Variants in RNF43 observed in about 807,000 individuals in gnomAD.
RNF43 encodes the protein ring finger protein 43, also known as E3 ubiquitin-protein ligase RNF43.
RNF43 carries 37 observed loss-of-function variants against 78.4 expected under a neutral mutation model. The observed-to-expected ratio is 0.47, with a 90% CI of 0.36 to 0.62. The LOEUF is 0.62. Among genes scored for constraint, RNF43 ranks in the 20% least tolerant of loss-of-function variants. RNF43 has a pLI of 0.00. For synonymous variants in RNF43, 347 were observed against 395.0 expected, an observed-to-expected ratio of 0.88 and a Z score of 1.44; for missense variants, 774 against 1,007.9, an observed-to-expected ratio of 0.77 and a Z score of 3.14.
intron 2 of RNF43, among the ~76,000 whole-genome samples, chr17:58,374,702 C>A (rs920866907): frequency 6.6e-6 from 1 of 152,262 alleles, no homozygotes; most frequent in East Asian, 1.9e-4. Context: ...CCTCTTTTCA[C>A]TCTTGATGAC....
At chr17:58,402,052 A>G (rs533217730) in intron 2 of RNF43, among the ~76,000 whole-genome samples, 2 of 152,352 alleles carry the variant, frequency 1.3e-5, no homozygotes, top group Admixed American at 6.5e-5. Flanking sequence ...GTTCAGAACC[A>G]AGTAAAAACA....
rs2143395170 is a variant in RNF43, at chr17:58,357,825, G to A, written c.1951C>T (p.His651Tyr). 1.2e-6 allele frequency: 2 copies of A among 1,614,218 alleles called. No homozygotes were observed. The highest frequency in any genetic ancestry group is 1.7e-6 in the Non-Finnish European group (2 of 1,180,040). ...NLQKSSLSARHPQRKRRGGPS... is the reference protein window; with the variant it reads ...NLQKSSLSARYPQRKRRGGPS... ...CCCCCCCGCCTTTTCCTCTGTGGGT[G>A]TCGGGCAGAGAGGCTGGATTTTTGC... The change falls in exon 9 of 10, where the codon CAC (histidine) becomes TAC (tyrosine). Residue 651 changes from histidine (H) to tyrosine (Y), a missense_variant. Transcript: ENST00000407977. The surrounding 1 kb of genome is among the most constrained non-coding windows in gnomAD (Gnocchi z 4.5).
In RNF43 at chr17:58,360,912, G is replaced by C. The variant is rs2143447799; in HGVS notation, c.720C>G (p.Ile240Met). The change falls in exon 7 of 10, where the codon ATC becomes ATG. Residue 240 changes from isoleucine to methionine, a missense_variant. By Grantham distance (10) the Ile-to-Met change is conservative. Coordinates refer to ENST00000407977, the MANE Select transcript of RNF43 (RefSeq NM_017763.6). The surrounding 1 kb of genome is among the most constrained non-coding windows in gnomAD (Gnocchi z 4.3). ...DPLQQRTAWAISQLATRRYQA... is the reference protein window; with the variant it reads ...DPLQQRTAWAMSQLATRRYQA... ...GGTACCTCCTGGTGGCCAGCTGGCT[G>C]ATGGCCCAGGCTGTTCTCTGCTGAA... 6.2e-7 allele frequency: 1 copy of C among 1,605,116 alleles called. No individual in the cohort carries two copies. The highest frequency in any genetic ancestry group is 8.5e-7 in the Non-Finnish European group (1 of 1,174,692).
At chr17:58,374,232 T>A (rs949713129) in intron 2 of RNF43, among the ~76,000 whole-genome samples, 1 of 151,840 alleles carries the variant, frequency 6.6e-6, no homozygotes, top group East Asian at 1.9e-4. Context: ...GTTAAAAAAA[T>A]ATTTAAGAAC....
chr17:58,410,766 T>C (rs926831352), intron 2 of RNF43, among the ~76,000 whole-genome samples: 20 of 152,134 alleles, frequency 1.3e-4, no homozygotes, highest in African/African-American at 4.6e-4. Flanking sequence ...TCTTTGCAAA[T>C]GAAACACAAA....
chr17:58,401,949 T>C (rs559330129), intron 2 of RNF43, among the ~76,000 whole-genome samples: 1 of 152,310 alleles, frequency 6.6e-6, no homozygotes, highest in South Asian at 2.1e-4. Flanking sequence ...CTTACCTTCC[T>C]AACACAAACT....
chr17:58,379,580 G>A (rs1480046793), intron 2 of RNF43, among the ~76,000 whole-genome samples: 3 of 152,146 alleles, frequency 2.0e-5, no homozygotes, highest in African/African-American at 4.8e-5. Flanking sequence ...CCTCATTTCA[G>A]ACTGTGCTGG....
chr17:58,357,525 T>C lies in RNF43; in HGVS notation c.2251A>G (p.Thr751Ala). 6.2e-7 allele frequency: 1 copy of C among 1,614,168 alleles called. No homozygotes were observed. Among genetic ancestry groups the C allele is most frequent in the Non-Finnish European group, 8.5e-7 (1 of 1,180,022 alleles). Residue 751 changes from threonine to alanine, a missense_variant, in exon 9 of 10, where the codon ACC (threonine) becomes GCC (alanine). By Grantham distance (58) the Thr-to-Ala change is moderately conservative. Transcript: ENST00000407977. This position sits in a 1 kb window ranked among gnomAD's most constrained non-coding sequence, Gnocchi z 4.5. ...TAAGGGCATGGCCTGCCCTCTGCGG[T>C]GTCAGAACTCCATTCAGAAGGCCCC... is the stretch of plus-strand genomic sequence containing the variant. ...GEGPSEWSSD[T>A]AEGRPCPYPH...
At chr17:58,416,649 A>AG (rs1974132686) in intron 1 of RNF43, 1 of 152,176 alleles carries the variant, frequency 6.6e-6, no homozygotes, top group African/African-American at 2.4e-5. Flanking sequence ...AAATTCCCTG[A>AG]GGGGGTAGGG....
In RNF43 at chr17:58,356,661, T is replaced by G. The variant is rs574457004; in HGVS notation, c.2308+807A>C. Among the ~76,000 whole-genome samples the G allele has an allele frequency of 3.9e-5, 6 of 152,140 alleles. No individual in the cohort carries two copies. In the East Asian group the frequency reaches 9.6e-4, roughly 24 times the overall value. On this transcript the variant is annotated intron_variant, in intron 9 of 9. Coordinates refer to ENST00000407977, the MANE Select transcript of RNF43 (RefSeq NM_017763.6). ...GCTGCTGGGAACCACCTGTGGTTTC[T>G]CTCTCTCTCTTTTTTCTCGTTGTTC...
At chr17:58,407,885 C>T (rs1014667261) in intron 2 of RNF43, among the ~76,000 whole-genome samples, 3 of 152,124 alleles carry the variant, frequency 2.0e-5, no homozygotes, top group African/African-American at 7.2e-5. Context: ...GTAAAATATC[C>T]GTTATTCTTA....
intron 2 of RNF43, among the ~76,000 whole-genome samples, chr17:58,403,787 T>G (rs1452216717): frequency 6.6e-6 from 1 of 152,230 alleles, no homozygotes. Flanking sequence ...CCAGCTGCTC[T>G]GAAATCTTAT....
In RNF43 at chr17:58,415,542, G is replaced by C. The variant is rs2143697468; in HGVS notation, c.36C>G (p.Leu12=). 1 of 1,610,696 alleles carries C rather than the reference G, an allele frequency of 6.2e-7. No individual in the cohort carries two copies. The highest frequency in any genetic ancestry group is 8.5e-7 in the Non-Finnish European group (1 of 1,180,000). Residue 12 remains leucine, a synonymous_variant, in exon 2 of 10, where the codon CTC becomes CTG. Transcript: ENST00000407977. ...SGGHQLQLAA[L]WPWLLMATLQ... ...GGGTAGCCATCAGCAGCCAGGGCCAGAGGGCAGCCAGCTGCAGCTGGTGGC... is the reference window on the plus strand; with the variant it reads ...GGGTAGCCATCAGCAGCCAGGGCCACAGGGCAGCCAGCTGCAGCTGGTGGC...
intron 2 of RNF43, among the ~76,000 whole-genome samples, chr17:58,408,694 C>A (rs1350226751): frequency 6.6e-6 from 1 of 152,098 alleles, no homozygotes; most frequent in Admixed American, 6.5e-5. Flanking sequence ...CTATATCAAG[C>A]CACACACACT....
chr17:58,354,972 G>C lies in RNF43; in HGVS notation c.2323C>G (p.Leu775Val). 3 of 1,614,106 alleles carry C rather than the reference G, an allele frequency of 1.9e-6. No homozygotes were observed. Among genetic ancestry groups the C allele is most frequent in the Non-Finnish European group, 2.5e-6 (3 of 1,179,978 alleles). ...ACAGCCTGTTCACACAGCTCCTCGA[G>C]TTCCTCCTCTGAGCCTGTATTTAGA... ...LSAQPGSEEE[L>V]EELCEQAV The change falls in exon 10 of 10, where the codon CTC becomes GTC. Residue 775 changes from leucine (L) to valine (V), a missense_variant. Physicochemically the swap from Leu to Val is conservative, Grantham distance 32. Transcript: ENST00000407977.
chr17:58,404,919 C>T (rs1169310010), intron 2 of RNF43, among the ~76,000 whole-genome samples: 1 of 148,362 alleles, frequency 6.7e-6, no homozygotes, highest in Non-Finnish European at 1.5e-5. Flanking sequence ...AGTCAGTTTA[C>T]AATCTGAAAA....
intron 2 of RNF43, among the ~76,000 whole-genome samples, chr17:58,399,023 G>A (rs570837096): frequency 6.6e-6 from 1 of 152,202 alleles, no homozygotes; most frequent in East Asian, 1.9e-4. Flanking sequence ...ACGCCCCACT[G>A]GTCTCCTAAC....
intron 2 of RNF43, among the ~76,000 whole-genome samples, chr17:58,389,115 A>C (rs1671373845): frequency 6.6e-6 from 1 of 152,206 alleles, no homozygotes; most frequent in Admixed American, 6.5e-5. Context: ...AATGAAGAGA[A>C]AACTAGTGGT....
rs1193652088 is a variant in RNF43, at chr17:58,357,560, G to A, written c.2216C>T (p.Pro739Leu). 1 of 1,614,090 alleles carries A rather than the reference G, an allele frequency of 6.2e-7. No individual in the cohort carries two copies. The highest frequency in any genetic ancestry group is 8.5e-7 in the Non-Finnish European group (1 of 1,180,038). Reference protein sequence around the residue: ...LTPRQPLEPHPPGEGPSEWSS... With the variant: ...LTPRQPLEPHLPGEGPSEWSS... ...CCATTCAGAAGGCCCCTCCCCAGGT[G>A]GATGTGGTTCCAGGGGCTGGCGAGG... The change falls in exon 9 of 10, where the codon CCA (proline) becomes CTA (leucine). Residue 739 changes from proline to leucine, a missense_variant. Physicochemically the swap from Pro to Leu is moderately conservative, Grantham distance 98. Transcript: ENST00000407977. This position sits in a 1 kb window ranked among gnomAD's most constrained non-coding sequence, Gnocchi z 4.5.
Sources: allele counts gnomAD v4.1 joint callset (sites outside exome capture counted in the v4.1 genomes callset), GRCh38; gene constraint gnomAD v4.1.1; non-coding constraint Gnocchi (gnomAD v3.1); transcripts MANE v1.5; gene names NCBI Gene and HGNC (gene_info 2026-07-23, HGNC 2026-07-21).